The following LANCL1 variants were observed in gnomAD, a reference collection of about 807,000 sequenced individuals.
LANCL1 encodes LanC like glutathione S-transferase 1.
In LANCL1, 50 loss-of-function variants were observed where a neutral mutation model predicts 50.6. The observed-to-expected ratio is 0.99, with a 90% CI of 0.79 to 1.25. The LOEUF is 1.25. LANCL1 is among the 50% of genes most tolerant of loss of function. The pLI is 0.00. For synonymous variants in LANCL1, 188 were observed against 178.6 expected (o/e 1.05, Z -0.42); for missense variants, 532 against 480.7 (o/e 1.11, Z -1.00).
chr2:210,434,965 G>T (rs1334938923), intron 9 of LANCL1, among the ~76,000 whole-genome samples: 1 of 152,140 alleles, frequency 6.6e-6, no homozygotes, highest in East Asian at 1.9e-4. Context: ...CATTAGAAGA[G>T]ATCACTAGTG....
chr2:210,476,336 A>T lies in LANCL1; in HGVS notation c.61T>A (p.Tyr21Asn). The change falls in exon 2 of 10, where the codon TAC becomes AAC. Residue 21 changes from tyrosine to asparagine, a missense_variant. Physicochemically the swap from Tyr to Asn is moderately radical, Grantham distance 143 (BLOSUM62 -2). Transcript: ENST00000450366. ...CTCACCCTCCCGGCAGCATCAAAGT[A>T]GCCTTCGGCCAGGGATTTGTTATAA... ...ADYNKSLAEGYFDAAGRLTPE... is the reference protein window; with the variant it reads ...ADYNKSLAEGNFDAAGRLTPE... 6.2e-7 allele frequency: 1 copy of T among 1,613,954 alleles called. No homozygotes were observed. The highest frequency in any genetic ancestry group is 8.5e-7 in the Non-Finnish European group (1 of 1,179,852).
intron 3 of LANCL1, among the ~76,000 whole-genome samples, chr2:210,469,608 C>T (rs1048907680): frequency 1.4e-4 from 21 of 152,098 alleles, no homozygotes; most frequent in African/African-American, 4.8e-4. Flanking sequence ...AAGCTGCTTT[C>T]AGGAGTCAGC....
At position 210,434,577 on chromosome 2, in the gene LANCL1, AAG is replaced by A. The variant is rs780395562; in HGVS notation, c.1124-16_1124-15del. The A allele has an allele frequency of 6.2e-7, 1 of 1,602,692 alleles. No individual in the cohort carries two copies. Among genetic ancestry groups the A allele is most frequent in the Non-Finnish European group, 8.5e-7 (1 of 1,170,588 alleles). ...TTCCAGCCATTCCTGAAGAAAGAGAAAGAGGCAAAAGTTATTATACCAAATGA... is the reference window on the plus strand; with the variant it reads ...TTCCAGCCATTCCTGAAGAAAGAGAAAGGCAAAAGTTATTATACCAAATGA... On this transcript the variant is annotated splice_polypyrimidine_tract_variant and intron_variant, in intron 9 of 9. Coordinates refer to ENST00000450366, the MANE Select transcript of LANCL1 (RefSeq NM_006055.3).
chr2:210,454,772 G>A (rs1693614427), intron 4 of LANCL1, among the ~76,000 whole-genome samples: 1 of 152,126 alleles, frequency 6.6e-6, no homozygotes. Context: ...GACTCTCCCA[G>A]CCCACCTGTA....
chr2:210,464,473 TATA>T (rs1302476245), intron 3 of LANCL1, among the ~76,000 whole-genome samples: 2 of 151,804 alleles, frequency 1.3e-5, no homozygotes, highest in Non-Finnish European at 2.9e-5. Context: ...TTTAAAAATA[TATA>T]TATATAGTGG....
chr2:210,458,597 G>A (rs1693738336), intron 3 of LANCL1, among the ~76,000 whole-genome samples: 1 of 152,130 alleles, frequency 6.6e-6, no homozygotes, highest in Non-Finnish European at 1.5e-5. Context: ...AAAGATACCT[G>A]TCTAGAAAGT....
At position 210,436,283 on chromosome 2, in the gene LANCL1, T is replaced by C; in HGVS notation, c.983A>G (p.Asn328Ser). Residue 328 changes from asparagine to serine, a missense_variant, in exon 8 of 10, where the codon AAT becomes AGT. By Grantham distance (46) the Asn-to-Ser change is conservative. Coordinates refer to ENST00000450366, the MANE Select transcript of LANCL1 (RefSeq NM_006055.3). ...GYGLCHGSAG[N>S]AYAFLTLYNL... ...GTAGAGTGTCAGGAAGGCATAGGCA[T>C]TCCCTGCAGAACCGTGGCACAGCCC... The C allele has an allele frequency of 6.2e-7, 1 of 1,614,072 alleles. No homozygotes were observed. The highest frequency in any genetic ancestry group is 8.5e-7 in the Non-Finnish European group (1 of 1,179,976).
Position 210,431,327 on chromosome 2 carries a change from C to T in LANCL1, c.*3160G>A, listed in dbSNP as rs1481027644. 2 of 152,158 alleles carry T rather than the reference C, an allele frequency of 1.3e-5. No homozygotes were observed. Among genetic ancestry groups the T allele is most frequent in the South Asian group, 2.1e-4 (1 of 4,828 alleles). The allele number at this position is 152,158 out of a possible 1,614,324, so 9.4% of individuals were successfully genotyped here. Reference sequence around the variant, plus strand: ...AACATAGAAATACATATGATCCCAGCCTTTCCCATTAAATGACAACATAAC... The same window carrying T: ...AACATAGAAATACATATGATCCCAGTCTTTCCCATTAAATGACAACATAAC... On this transcript the variant is annotated 3_prime_UTR_variant, in exon 10 of 10. Transcript: ENST00000450366.
rs375077457 is a variant in LANCL1, at chr2:210,437,812, C to T, written c.751G>A (p.Val251Ile). 1.9e-5 allele frequency: 31 copies of T among 1,613,388 alleles called. No individual in the cohort carries two copies. The highest frequency in any genetic ancestry group is 1.6e-4 in the Middle Eastern group (1 of 6,080). The change falls in exon 7 of 10, where the codon GTC (valine) becomes ATC (isoleucine). Residue 251 changes from valine (V) to isoleucine (I), a missense_variant. Transcript: ENST00000450366. ...CCAGAAGGGAATTTCAGCTGGCAGA[C>T]GTAGTCTACACTGGGCTTGACCAAA... The part of the protein sequence containing the change: ...HSLVKPSVDY[V>I]CQLKFPSGNY...
chr2:210,455,492 C>A lies in LANCL1; in HGVS notation c.200-178G>T, dbSNP rs139477984. Among the ~76,000 whole-genome samples the A allele has an allele frequency of 2.6e-3, 390 of 152,206 alleles. 4 individuals carry two copies. Among genetic ancestry groups the A allele is most frequent in the South Asian group, 4.2e-3 (20 of 4,816 alleles). On this transcript the variant is annotated intron_variant, in intron 3 of 9. Coordinates refer to ENST00000450366, the MANE Select transcript of LANCL1 (RefSeq NM_006055.3). Reference sequence around the variant, plus strand: ...TCTATTAGTAAGCAACTCTACGAACCAGCATAAGCCAACCACTTACTTGTC... The same window carrying A: ...TCTATTAGTAAGCAACTCTACGAACAAGCATAAGCCAACCACTTACTTGTC...
chr2:210,466,629 T>A (rs1395753041), intron 3 of LANCL1, among the ~76,000 whole-genome samples: 2 of 152,204 alleles, frequency 1.3e-5, no homozygotes, highest in African/African-American at 4.8e-5. Flanking sequence ...ACCATGCTTG[T>A]GTCTCTAAGT....
intron 3 of LANCL1, 24 bp downstream of exon 3, chr2:210,471,935 C>T (rs1694237110): frequency 6.7e-7 from 1 of 1,499,064 alleles, no homozygotes; most frequent in Non-Finnish European, 9.3e-7. Context: ...ATGCTTATGC[C>T]AGCTCACAGT....
intron 2 of LANCL1, among the ~76,000 whole-genome samples, chr2:210,474,853 G>C (rs1694313741): frequency 6.6e-6 from 1 of 152,138 alleles, no homozygotes; most frequent in South Asian, 2.1e-4. Flanking sequence ...ATCCTCAACT[G>C]TTCTCTTTGC....
At chr2:210,453,145 A>AT (rs1404789151) in intron 4 of LANCL1, among the ~76,000 whole-genome samples, 2 of 152,214 alleles carry the variant, frequency 1.3e-5, no homozygotes, top group Non-Finnish European at 2.9e-5. Context: ...CACATACTAT[A>AT]TTTTTAACCT....
intron 3 of LANCL1, among the ~76,000 whole-genome samples, chr2:210,469,887 C>T (rs1449098350): frequency 6.6e-6 from 1 of 151,676 alleles, no homozygotes; most frequent in Non-Finnish European, 1.5e-5. Context: ...AAGTAACTCA[C>T]AATAATAATA....
chr2:210,477,001 G>T (rs893539536), upstream of LANCL1, among the ~76,000 whole-genome samples: 2 of 152,032 alleles, frequency 1.3e-5, no homozygotes, highest in African/African-American at 4.8e-5. Context: ...GTCATAAGAA[G>T]TATATATTTT....
rs371454243 is a variant in LANCL1 at position 210,437,706 on chromosome 2, A to G, written c.857T>C (p.Leu286Pro). Residue 286 changes from leucine (L) to proline (P), a missense_variant, in exon 7 of 10, where the codon CTC becomes CCC. Leu to Pro is a moderately conservative substitution (Grantham distance 98). Coordinates refer to ENST00000450366, the MANE Select transcript of LANCL1 (RefSeq NM_006055.3). ...ACACAGTACCTTATAGGCCTGGATGAGCATGTAGATTACCCCAGGGGCGCC... is the reference window on the plus strand; with the variant it reads ...ACACAGTACCTTATAGGCCTGGATGGGCATGTAGATTACCCCAGGGGCGCC... ...CHGAPGVIYM[L>P]IQAYKVFREE... is the part of the protein sequence containing the mutation. The G allele has an allele frequency of 1.2e-6, 2 of 1,602,290 alleles. No homozygotes were observed. Among genetic ancestry groups the G allele is most frequent in the Non-Finnish European group, 1.7e-6 (2 of 1,175,262 alleles).
rs528660294 is a variant in LANCL1 at position 210,446,850 on chromosome 2, T to G, written c.408-5407A>C. Among the ~76,000 whole-genome samples the G allele has an allele frequency of 3.3e-5, 5 of 152,232 alleles. No individual in the cohort carries two copies. The South Asian group carries it at 1.0e-3, about 32-fold the overall frequency. On this transcript the variant is annotated intron_variant, in intron 4 of 9. Coordinates refer to ENST00000450366, the MANE Select transcript of LANCL1 (RefSeq NM_006055.3). ...CGAAAGCCTCCAAGAAATAACGGAC[T>G]ATGTGAAAAGATCAAACCTACATTT...
chr2:210,451,919 G>C (rs543848754), intron 4 of LANCL1, among the ~76,000 whole-genome samples: 1 of 152,178 alleles, frequency 6.6e-6, no homozygotes, highest in Non-Finnish European at 1.5e-5. Flanking sequence ...GCTAAATGGA[G>C]TAAGCCAGAC....
Sources: allele counts gnomAD v4.1 joint callset (sites outside exome capture counted in the v4.1 genomes callset), GRCh38; gene constraint gnomAD v4.1.1; transcripts MANE v1.5; gene names NCBI Gene and HGNC (gene_info 2026-07-23, HGNC 2026-07-21).